CNTNAP2: variants seen among roughly 807,000 people sequenced by gnomAD.
CNTNAP2 encodes the protein contactin associated protein 2, also known as contactin-associated protein-like 2.
In CNTNAP2, 98 loss-of-function variants were observed where a neutral mutation model predicts 155.2. That is an observed-to-expected ratio of 0.63 (90% CI 0.54 to 0.75). The LOEUF (loss-of-function observed/expected upper bound fraction) is 0.75, where lower values mean the gene tolerates loss of function less well. Among genes scored for constraint, CNTNAP2 ranks in the 30% least tolerant of loss-of-function variants. The pLI, the probability that CNTNAP2 is intolerant of heterozygous loss-of-function variation, is 0.00. For synonymous variants in CNTNAP2, 651 were observed against 631.2 expected, an observed-to-expected ratio of 1.03 and a Z score of -0.47; for missense variants, 1,727 against 1,688.1, an observed-to-expected ratio of 1.02 and a Z score of -0.40.
chr7:146,223,327 G>C (rs1317911615), intron 1 of CNTNAP2, among the ~76,000 whole-genome samples: 3 of 152,186 alleles, frequency 2.0e-5, no homozygotes, highest in Non-Finnish European at 4.4e-5. Context: ...CTAAGTTTGT[G>C]GAAGTTATTT....
At chr7:146,480,081 G>A (rs993788595) in intron 1 of CNTNAP2, among the ~76,000 whole-genome samples, 4 of 152,116 alleles carry the variant, frequency 2.6e-5, no homozygotes, top group African/African-American at 9.7e-5. Flanking sequence ...CACTGAGCCT[G>A]GTTTTTCCAC....
chr7:148,405,420 ATTTTTTTTTTTTTTTT>A (rs36020816), intron 22 of CNTNAP2, among the ~76,000 whole-genome samples: 1 of 64,284 alleles, frequency 1.6e-5, no homozygotes, highest in Non-Finnish European at 2.7e-5. Context: ...TACCATTGTA[ATTTTTTTTTTTTTTTT>A]TTTTTTTTTT....
intron 10 of CNTNAP2, among the ~76,000 whole-genome samples, chr7:147,482,894 A>T (rs7796028): frequency 0.61 from 91,684 of 151,150 alleles, 27,972 homozygotes; most frequent in African/African-American, 0.64. Flanking sequence ...AAAAATACAC[A>T]AATTAGCTGG....
intron 18 of CNTNAP2, among the ~76,000 whole-genome samples, chr7:148,178,645 A>T (rs934876001): frequency 3.3e-4 from 51 of 152,240 alleles, no homozygotes; most frequent in African/African-American, 1.2e-3. Flanking sequence ...TTTCTCACAT[A>T]CCTGTTACGT....
intron 3 of CNTNAP2, among the ~76,000 whole-genome samples, chr7:147,006,904 G>T (rs1186059559): frequency 6.6e-6 from 1 of 152,048 alleles, no homozygotes; most frequent in African/African-American, 2.4e-5. Flanking sequence ...AAAGGAAAAA[G>T]TACATGCTGA....
chr7:146,204,743 G>A (rs988789193), intron 1 of CNTNAP2, among the ~76,000 whole-genome samples: 1 of 151,870 alleles, frequency 6.6e-6, no homozygotes. Context: ...TCATAATTTT[G>A]TCATCCCCCA....
At chr7:146,400,414 T>A (rs1434744578) in intron 1 of CNTNAP2, among the ~76,000 whole-genome samples, 1 of 152,204 alleles carries the variant, frequency 6.6e-6, no homozygotes, top group East Asian at 1.9e-4. Flanking sequence ...GCATGAGGAC[T>A]TGATGGAAAA....
intron 1 of CNTNAP2, among the ~76,000 whole-genome samples, chr7:146,391,722 C>T (rs966766316): frequency 1.3e-5 from 2 of 151,956 alleles, no homozygotes; most frequent in African/African-American, 4.8e-5. Flanking sequence ...CTTCCAGCTC[C>T]ATCTATTTCC....
At chr7:147,129,103 G>A (rs979222251) in intron 7 of CNTNAP2, among the ~76,000 whole-genome samples, 3 of 152,116 alleles carry the variant, frequency 2.0e-5, no homozygotes, top group African/African-American at 4.8e-5. Context: ...TGGATGACTC[G>A]TGGCACGTGC....
At chr7:147,995,719 T>A (rs1004877713) in intron 15 of CNTNAP2, among the ~76,000 whole-genome samples, 3 of 152,118 alleles carry the variant, frequency 2.0e-5, no homozygotes, top group African/African-American at 7.2e-5. Flanking sequence ...TTCACCATGT[T>A]AGCCAGGATG....
intron 21 of CNTNAP2, among the ~76,000 whole-genome samples, chr7:148,359,385 G>A (rs562580761): frequency 6.0e-4 from 92 of 152,322 alleles, no homozygotes; most frequent in African/African-American, 2.0e-3. Context: ...TTTTCAATTC[G>A]GAGATGTATT....
chr7:146,770,694 T>A (rs184165255), intron 1 of CNTNAP2, among the ~76,000 whole-genome samples: 1 of 152,148 alleles, frequency 6.6e-6, no homozygotes, highest in East Asian at 1.9e-4. Context: ...ATTTTTTAAA[T>A]TAGTAAAAAA....
intron 20 of CNTNAP2, among the ~76,000 whole-genome samples, chr7:148,234,575 T>A (rs1194271682): frequency 6.6e-6 from 1 of 152,156 alleles, no homozygotes; most frequent in Non-Finnish European, 1.5e-5. Context: ...TTTCTGCAAA[T>A]GTATTTGTTA....
At chr7:147,974,124 A>G (rs1801384507) in intron 14 of CNTNAP2, among the ~76,000 whole-genome samples, 1 of 152,230 alleles carries the variant, frequency 6.6e-6, no homozygotes, top group Non-Finnish European at 1.5e-5. Flanking sequence ...AAATTATTAC[A>G]AACACTTAAA....
chr7:148,368,588 C>T (rs1798826161), intron 21 of CNTNAP2, among the ~76,000 whole-genome samples: 1 of 152,184 alleles, frequency 6.6e-6, no homozygotes, highest in Non-Finnish European at 1.5e-5. Context: ...GCAGATGTAG[C>T]AGGACGAATT....
At chr7:147,331,025 G>A (rs568673625) in intron 9 of CNTNAP2, among the ~76,000 whole-genome samples, 1 of 152,164 alleles carries the variant, frequency 6.6e-6, no homozygotes, top group African/African-American at 2.4e-5. Flanking sequence ...TGGGAGTTGA[G>A]TAAACTGCTC....
In CNTNAP2 at chr7:147,653,749, C is replaced by T. The variant is rs550130122; in HGVS notation, c.2098+14443C>T. On this transcript the variant is annotated intron_variant, in intron 13 of 23. Coordinates refer to ENST00000361727, the MANE Select transcript of CNTNAP2 (RefSeq NM_014141.6). Reference sequence around the variant, plus strand: ...CAGTCCACTCTGCAGGTCTGTTCAGCCAGCCTGTTGGCTATATTTAGTATT... The same window carrying T: ...CAGTCCACTCTGCAGGTCTGTTCAGTCAGCCTGTTGGCTATATTTAGTATT... Among the ~76,000 whole-genome samples the T allele has an allele frequency of 1.4e-4, 21 of 152,300 alleles. No homozygotes were observed. The South Asian group carries it at 4.1e-3, about 30-fold the overall frequency.
chr7:146,683,207 A>G (rs1270428122), intron 1 of CNTNAP2, among the ~76,000 whole-genome samples: 1 of 151,926 alleles, frequency 6.6e-6, no homozygotes, highest in Admixed American at 6.6e-5. Flanking sequence ...TGATTTTTGT[A>G]TTTTTAATAC....
At chr7:147,426,527 T>C (rs535683786) in intron 10 of CNTNAP2, among the ~76,000 whole-genome samples, 2 of 152,282 alleles carry the variant, frequency 1.3e-5, no homozygotes, top group South Asian at 4.1e-4. Flanking sequence ...ATTTCTATTC[T>C]AGGAGTTTGT....
Sources: allele counts gnomAD v4.1 joint callset (sites outside exome capture counted in the v4.1 genomes callset), GRCh38; gene constraint gnomAD v4.1.1; transcripts MANE v1.5; gene names NCBI Gene and HGNC (gene_info 2026-07-23, HGNC 2026-07-21).